Variants in DSCAML1 observed in about 807,000 individuals in gnomAD.
The protein encoded by DSCAML1 is cell adhesion molecule DSCAML1.
A neutral mutation model predicts 200.5 loss-of-function variants in DSCAML1; 38 were observed. That is an observed-to-expected ratio of 0.19 (90% CI 0.15 to 0.25). The LOEUF (loss-of-function observed/expected upper bound fraction) is 0.25. DSCAML1 is among the 10% of genes least tolerant of loss of function. The pLI is 1.00. For missense variants in DSCAML1, 2,223 were observed against 2,858.8 expected (o/e 0.78, Z 5.07); for synonymous variants, 1,215 against 1,165.0 (o/e 1.04, Z -0.87).
chr11:117,447,003 TAGGTC>T (rs916161364), intron 20 of DSCAML1, among the ~76,000 whole-genome samples: 18 of 152,300 alleles, frequency 1.2e-4, no homozygotes, highest in Admixed American at 8.5e-4. Context: ...GATCATGTTT[TAGGTC>T]AGGTGCGGTG....
At chr11:117,720,147 G>A (rs1454529222) in intron 3 of DSCAML1, among the ~76,000 whole-genome samples, 1 of 151,924 alleles carries the variant, frequency 6.6e-6, no homozygotes, top group Non-Finnish European at 1.5e-5. Context: ...CCCAGAATAG[G>A]AGCACTCAGC....
At chr11:117,712,675 C>A (rs1159286428) in intron 3 of DSCAML1, among the ~76,000 whole-genome samples, 1 of 152,140 alleles carries the variant, frequency 6.6e-6, no homozygotes, top group Non-Finnish European at 1.5e-5. Flanking sequence ...GGGATCCATT[C>A]ATCCTAACAG....
chr11:117,743,435 C>T (rs2054458326), intron 3 of DSCAML1, among the ~76,000 whole-genome samples: 1 of 152,220 alleles, frequency 6.6e-6, no homozygotes, highest in South Asian at 2.1e-4. Context: ...AGTTCTGGAC[C>T]TCACTGTCCT....
upstream of DSCAML1, among the ~76,000 whole-genome samples, chr11:117,798,760 C>T (rs927846146): frequency 2.0e-5 from 3 of 152,126 alleles, no homozygotes; most frequent in Admixed American, 6.5e-5. Flanking sequence ...TTTCAAGGTT[C>T]GTCCTTTAAA....
chr11:117,555,827 T>C (rs2050549066), intron 3 of DSCAML1, among the ~76,000 whole-genome samples: 1 of 151,822 alleles, frequency 6.6e-6, no homozygotes, highest in African/African-American at 2.4e-5. Context: ...GCAGCTTAAC[T>C]ATGGTGATCA....
chr11:117,653,345 T>A (rs2052670022), intron 3 of DSCAML1, among the ~76,000 whole-genome samples: 1 of 152,194 alleles, frequency 6.6e-6, no homozygotes, highest in South Asian at 2.1e-4. Flanking sequence ...AGGCCAGCAC[T>A]GGTCTTTAGT....
At chr11:117,613,677 G>C (rs10892143) in intron 3 of DSCAML1, among the ~76,000 whole-genome samples, 59,270 of 152,150 alleles carry the variant, frequency 0.39, 12,348 homozygotes, top group Admixed American at 0.47. Flanking sequence ...ACTTTACCGC[G>C]TTAGGCAGGC....
chr11:117,607,353 A>C (rs1364895746), intron 3 of DSCAML1, among the ~76,000 whole-genome samples: 2 of 152,156 alleles, frequency 1.3e-5, no homozygotes, highest in Non-Finnish European at 2.9e-5. Context: ...GTCTCAGAGA[A>C]AAGTACTATG....
intron 11 of DSCAML1, among the ~76,000 whole-genome samples, chr11:117,497,389 A>AG (rs1227702206): frequency 6.6e-6 from 1 of 152,140 alleles, no homozygotes; most frequent in African/African-American, 2.4e-5. Context: ...CCTCCTGGCG[A>AG]GGGCCCAAGG....
At chr11:117,466,641 G>T (rs1268396738) in intron 16 of DSCAML1, among the ~76,000 whole-genome samples, 2 of 152,106 alleles carry the variant, frequency 1.3e-5, no homozygotes, top group Non-Finnish European at 2.9e-5. Flanking sequence ...GCGGAGGTTG[G>T]AGTGAGCCAA....
At chr11:117,799,963 G>GCCT (rs2055642332), upstream of DSCAML1, among the ~76,000 whole-genome samples, 1 of 152,214 alleles carries the variant, frequency 6.6e-6, no homozygotes, top group Non-Finnish European at 1.5e-5. Flanking sequence ...CTTCCATGCT[G>GCCT]TGACAAAGCC....
intron 4 of DSCAML1, among the ~76,000 whole-genome samples, chr11:117,527,511 A>T (rs906200254): frequency 9.2e-5 from 14 of 152,224 alleles, no homozygotes; most frequent in African/African-American, 3.4e-4. Context: ...TTCTGGATAG[A>T]AATCCACATT....
intron 3 of DSCAML1, among the ~76,000 whole-genome samples, chr11:117,587,260 C>CCCCA (rs1555187515): frequency 6.6e-6 from 1 of 150,736 alleles, no homozygotes; most frequent in South Asian, 2.2e-4. Context: ...CCAACCCCCC[C>CCCCA]CCACGATTTA....
At chr11:117,645,926 AAAG>A (rs1164799736) in intron 3 of DSCAML1, among the ~76,000 whole-genome samples, 1 of 152,144 alleles carries the variant, frequency 6.6e-6, no homozygotes, top group Non-Finnish European at 1.5e-5. Flanking sequence ...AAAAGAAAAA[AAAG>A]AATTATATAC....
chr11:117,755,178 T>C (rs556114578), intron 3 of DSCAML1, among the ~76,000 whole-genome samples: 8 of 152,284 alleles, frequency 5.3e-5, no homozygotes, highest in Admixed American at 3.3e-4. Context: ...GGTTTAATTC[T>C]TCCTTCTCTA....
chr11:117,646,243 A>G (rs2052519514), intron 3 of DSCAML1, among the ~76,000 whole-genome samples: 1 of 152,026 alleles, frequency 6.6e-6, no homozygotes, highest in Non-Finnish European at 1.5e-5. Context: ...TGGCCTGGCC[A>G]GATGGGAAGG....
chr11:117,512,387 G>A (rs761243348), intron 8 of DSCAML1, among the ~76,000 whole-genome samples: 3 of 152,096 alleles, frequency 2.0e-5, no homozygotes, highest in Admixed American at 1.3e-4. Flanking sequence ...ATCAAGCAGC[G>A]TGATCATAAT....
At chr11:117,559,841 G>T (rs553242156) in intron 3 of DSCAML1, among the ~76,000 whole-genome samples, 1 of 152,252 alleles carries the variant, frequency 6.6e-6, no homozygotes, top group African/African-American at 2.4e-5. Flanking sequence ...CACCACTCAG[G>T]TGTCGGGATG....
At chr11:117,479,318 T>C (rs519356) in intron 14 of DSCAML1, among the ~76,000 whole-genome samples, 24,790 of 152,268 alleles carry the variant, frequency 0.16, 2,223 homozygotes, top group Admixed American at 0.26. Flanking sequence ...CTGAGGAAGA[T>C]TGAGTAATCT....
Sources: gnomAD v4.1 joint callset for allele counts (sites outside exome capture counted in the v4.1 genomes callset) on GRCh38, gnomAD v4.1.1 for gene constraint, MANE v1.5 for transcripts, NCBI Gene and HGNC (gene_info 2026-07-23, HGNC 2026-07-21) for gene names.